The following ANKRD10 variants were observed in gnomAD, a reference collection of about 807,000 sequenced individuals.
ANKRD10 encodes ankyrin repeat domain 10.
Under a neutral mutation model 27.0 loss-of-function variants are expected in ANKRD10, and 14 were observed. The ratio of observed to expected loss-of-function variants is 0.52; its 90% CI spans 0.34 to 0.81. The LOEUF (loss-of-function observed/expected upper bound fraction) is 0.81. ANKRD10 is among the 40% of genes least tolerant of loss of function. The probability of loss-of-function intolerance (pLI) is 0.01; values close to 1 mark genes in which losing one functional copy is unlikely to be tolerated. For missense variants in ANKRD10, 493 were observed against 544.0 expected, an observed-to-expected ratio of 0.91 and a Z score of 0.93; for synonymous variants, 250 against 224.5, an observed-to-expected ratio of 1.11 and a Z score of -1.01.
At chr13:110,884,216 C>CA (rs11296528) in intron 4 of ANKRD10, among the ~76,000 whole-genome samples, 5 of 151,484 alleles carry the variant, frequency 3.3e-5, no homozygotes, top group African/African-American at 1.2e-4. Context: ...TTTCCATTAA[C>CA]AAAAAAAATA....
At chr13:110,911,994 G>A (rs948737259) in intron 1 of ANKRD10, among the ~76,000 whole-genome samples, 1 of 152,316 alleles carries the variant, frequency 6.6e-6, no homozygotes, top group East Asian at 1.9e-4. Context: ...CAGCATAACT[G>A]AGCAATGCAC....
intron 3 of ANKRD10, among the ~76,000 whole-genome samples, chr13:110,896,887 G>C (rs1445525573): frequency 1.3e-5 from 2 of 152,176 alleles, no homozygotes; most frequent in Non-Finnish European, 1.5e-5. Context: ...CAGCAGGCCA[G>C]AACTGCTGAA....
intron 3 of ANKRD10, chr13:110,894,406 A>AAAAAAAAAAAC (rs1491069374): frequency 9.8e-6 from 1 of 101,906 alleles, no homozygotes; most frequent in Non-Finnish European, 1.8e-5. Flanking sequence ...GTTAATGCAA[A>AAAAAAAAAAAC]AAAAAAAAAA....
At chr13:110,901,508 A>C (rs1341612392) in intron 3 of ANKRD10, among the ~76,000 whole-genome samples, 1 of 152,246 alleles carries the variant, frequency 6.6e-6, no homozygotes, top group Middle Eastern at 3.2e-3. Context: ...GTTTTATTTG[A>C]AAGCACTACC....
chr13:110,891,477 TGTTAA>T (rs1047382317), intron 4 of ANKRD10, among the ~76,000 whole-genome samples: 1 of 152,242 alleles, frequency 6.6e-6, no homozygotes, highest in African/African-American at 2.4e-5. Context: ...TTGATAAAAC[TGTTAA>T]GTTCATACAT....
intron 1 of ANKRD10, among the ~76,000 whole-genome samples, chr13:110,912,707 G>C (rs944346686): frequency 2.0e-5 from 3 of 152,216 alleles, no homozygotes; most frequent in Non-Finnish European, 1.5e-5. Context: ...AGGGGATCTT[G>C]TGCACCACTA....
At chr13:110,912,663 G>A (rs1204289741) in intron 1 of ANKRD10, among the ~76,000 whole-genome samples, 1 of 152,226 alleles carries the variant, frequency 6.6e-6, no homozygotes, top group African/African-American at 2.4e-5. Flanking sequence ...AACTCGTTTA[G>A]TCCTCTGGCA....
chr13:110,910,568 T>C (rs1055721901), intron 2 of ANKRD10, 50 bp downstream of exon 2: 14 of 1,606,024 alleles, frequency 8.7e-6, no homozygotes, highest in Non-Finnish European at 1.2e-5. Context: ...TAATTATAAC[T>C]GCAAAAAGAA....
intron 1 of ANKRD10, chr13:110,914,412 A>AG (rs1436372842): frequency 1.2e-4 from 26 of 213,366 alleles, no homozygotes. Context: ...TCCGGCCAAC[A>AG]GGCGCCGGGA....
At chr13:110,881,923 C>T (rs2064826976) in intron 5 of ANKRD10, among the ~76,000 whole-genome samples, 1 of 152,166 alleles carries the variant, frequency 6.6e-6, no homozygotes, top group Non-Finnish European at 1.5e-5. Flanking sequence ...GCACGCACAT[C>T]ACGACCTCCA....
At chr13:110,894,194 G>A (rs998849992) in intron 3 of ANKRD10, 1 of 1,610,028 alleles carries the variant, frequency 6.2e-7, no homozygotes, top group African/African-American at 1.3e-5. Flanking sequence ...ACTGCTCTGT[G>A]AAATAAACCT....
chr13:110,892,381 G>A (rs1286316570), intron 4 of ANKRD10, among the ~76,000 whole-genome samples: 1 of 103,170 alleles, frequency 9.7e-6, no homozygotes, highest in Non-Finnish European at 1.8e-5. Context: ...AGTGAGCCGA[G>A]ATCACAGCAT....
intron 1 of ANKRD10, among the ~76,000 whole-genome samples, chr13:110,913,428 T>C (rs1394923940): frequency 6.6e-6 from 1 of 152,232 alleles, no homozygotes; most frequent in East Asian, 1.9e-4. Flanking sequence ...CTCCAGCAGG[T>C]ACTACGGTTG....
rs572030349 is a variant in ANKRD10 at position 110,892,746 on chromosome 13, A to C, written c.691+282T>G. On this transcript the variant is annotated intron_variant, in intron 4 of 5. Transcript: ENST00000267339. ...AGATATATTTCAAACAGATACAACAAATTAAAAAATCTAATTCATGGCAGG... is the reference window on the plus strand; with the variant it reads ...AGATATATTTCAAACAGATACAACACATTAAAAAATCTAATTCATGGCAGG... 896 of 1,106,750 alleles carry C rather than the reference A, an allele frequency of 8.1e-4. 3 individuals are homozygous for C. The highest frequency in any genetic ancestry group is 9.1e-4 in the Non-Finnish European group (827 of 906,742). 68.6% of individuals were successfully genotyped at this position (1,106,750 alleles called of 1,614,324 possible). A position where few individuals can be genotyped will look rare whatever the true frequency, so the allele number is the denominator to read the frequency against.
rs1205731050 is a variant in ANKRD10 at position 110,910,758 on chromosome 13, C to T, written c.223G>A (p.Val75Met). ...AAHFGKLECL[V>M]QLVRAGATLN... ...GTGGCTCCCGCTCTCACCAACTGCA[C>T]TAAGCACTCCAACTTCGAAAACAAG... The change falls in exon 2 of 6, where the codon GTG (valine) becomes ATG (methionine). Residue 75 changes from valine to methionine, a missense_variant. Transcript: ENST00000267339. 1 of 1,613,562 alleles carries T rather than the reference C, an allele frequency of 6.2e-7. No homozygotes were observed. The highest frequency in any genetic ancestry group is 8.5e-7 in the Non-Finnish European group (1 of 1,179,854).
At chr13:110,905,990 C>G (rs1393860957) in intron 3 of ANKRD10, 43 bp downstream of exon 3, 19 of 1,521,468 alleles carry the variant, frequency 1.2e-5, no homozygotes, top group Non-Finnish European at 1.5e-5. Flanking sequence ...AAAACATCCT[C>G]AACTACATCT....
At chr13:110,892,655 G>C (rs2065111868) in intron 4 of ANKRD10, 1 of 851,634 alleles carries the variant, frequency 1.2e-6, no homozygotes, top group Non-Finnish European at 1.4e-6. Context: ...ATAAGCCCAG[G>C]AACATTTACA....
intron 2 of ANKRD10, among the ~76,000 whole-genome samples, chr13:110,909,644 AC>A (rs2065637777): frequency 3.3e-5 from 5 of 152,152 alleles, no homozygotes; most frequent in Admixed American, 3.3e-4. Flanking sequence ...CTTATAACTT[AC>A]CCCACTTTCC....
chr13:110,913,755 C>G (rs1429168797), intron 1 of ANKRD10, among the ~76,000 whole-genome samples: 1 of 152,210 alleles, frequency 6.6e-6, no homozygotes, highest in East Asian at 1.9e-4. Flanking sequence ...TCATCACTTA[C>G]GAGAAAAACA....
Sources: allele counts gnomAD v4.1 joint callset (sites outside exome capture counted in the v4.1 genomes callset), GRCh38; gene constraint gnomAD v4.1.1; transcripts MANE v1.5; gene names NCBI Gene and HGNC (gene_info 2026-07-23, HGNC 2026-07-21).